The following POLR3H variants were observed in gnomAD, a reference collection of about 807,000 sequenced individuals.
POLR3H encodes DNA-directed RNA polymerase III subunit RPC8.
POLR3H carries 17 observed loss-of-function variants against 25.5 expected under a neutral mutation model. That is an observed-to-expected ratio of 0.67 (90% CI 0.46 to 1.00). The LOEUF is 1.00. POLR3H is among the 50% of genes least tolerant of loss of function. The pLI, the probability that POLR3H is intolerant of heterozygous loss-of-function variation, is 0.00. For synonymous variants in POLR3H, 129 were observed against 103.0 expected, an observed-to-expected ratio of 1.25 and a Z score of -1.53; for missense variants, 274 against 265.0, an observed-to-expected ratio of 1.03 and a Z score of -0.24.
Position 41,527,957 on chromosome 22 carries a change from TACA to T in POLR3H, c.*1323_*1325del, listed in dbSNP as rs2066638829. ...TCTGACCTTCGCTGACCCGGCTGAC[TACA>T]ACAAGATTCACCCTGTGGACAAGCT... is the stretch of plus-strand genomic sequence containing the variant. On this transcript the variant is annotated 3_prime_UTR_variant, in exon 6 of 6. Coordinates refer to ENST00000355209, the MANE Select transcript of POLR3H (RefSeq NM_001018050.4). 4.3e-6 allele frequency: 7 copies of T among 1,614,130 alleles called. No homozygotes were observed. The highest frequency in any genetic ancestry group is 3.4e-6 in the Non-Finnish European group (4 of 1,180,008).
intron 2 of POLR3H, among the ~76,000 whole-genome samples, chr22:41,537,187 C>T (rs2066862849): frequency 6.6e-6 from 1 of 152,168 alleles, no homozygotes; most frequent in Non-Finnish European, 1.5e-5. Context: ...CATCTGTGAG[C>T]ACTCCCCACG....
rs2066605636 is a variant in POLR3H, at chr22:41,526,723, G to A, written c.*2560C>T. ...TCTGGCCCTAGACAAAGACAAGGAA[G>A]GGGGCCGACTCAGGAAGTCAGAGGC... On this transcript the variant is annotated 3_prime_UTR_variant, in exon 6 of 6. Coordinates refer to ENST00000355209, the MANE Select transcript of POLR3H (RefSeq NM_001018050.4). The A allele has an allele frequency of 2.4e-6, 1 of 408,716 alleles. No homozygotes were observed. The highest frequency in any genetic ancestry group is 4.4e-6 in the Non-Finnish European group (1 of 225,992). 25.3% of individuals were successfully genotyped at this position (408,716 alleles called of 1,614,324 possible). A position where few individuals can be genotyped will look rare whatever the true frequency, so the allele number is the denominator to read the frequency against.
chr22:41,527,147 C>T lies in POLR3H; in HGVS notation c.*2136G>A, dbSNP rs576913246. 4.9e-5 allele frequency: 63 copies of T among 1,273,718 alleles called. No homozygotes were observed. The highest frequency in any genetic ancestry group is 3.0e-4 in the African/African-American group (20 of 67,572). 78.9% of individuals were successfully genotyped at this position (1,273,718 alleles called of 1,614,324 possible). A position where few individuals can be genotyped will look rare whatever the true frequency, so the allele number is the denominator to read the frequency against. On this transcript the variant is annotated 3_prime_UTR_variant, in exon 6 of 6. Transcript: ENST00000355209. The stretch of plus-strand genomic sequence containing the variant: ...GCTTCACTTGCCCTTAGGCAGCAGG[C>T]GAGGAAGGGCCCCTCCAGCCCCTTT...
Position 41,544,350 on chromosome 22 carries a change from CCGCCACGCCACGCCACTCCA to C in POLR3H, c.-269_-250del, listed in dbSNP as rs1262133331. On this transcript the variant is annotated 5_prime_UTR_variant, in exon 1 of 6. Coordinates refer to ENST00000355209, the MANE Select transcript of POLR3H (RefSeq NM_001018050.4). ...GGGTGCGCGCCCGCGCCGCGAGACC[CCGCCACGCCACGCCACTCCA>C]CGCCACGCCACTCCACGCCCCGCAC... 19 of 379,348 alleles carry C rather than the reference CCGCCACGCCACGCCACTCCA, an allele frequency of 5.0e-5. No homozygotes were observed. In the East Asian group the frequency reaches 7.9e-4, roughly 16 times the overall value. The allele number at this position is 379,348 out of a possible 1,614,324, so 23.5% of individuals were successfully genotyped here.
chr22:41,534,247 G>A (rs1225213233), intron 2 of POLR3H, among the ~76,000 whole-genome samples: 2 of 152,198 alleles, frequency 1.3e-5, no homozygotes, highest in African/African-American at 4.8e-5. Flanking sequence ...GGGAGCCCCA[G>A]GCTGGAACAA....
chr22:41,526,331 G>C lies in POLR3H; in HGVS notation c.*2952C>G. The stretch of plus-strand genomic sequence containing the variant: ...CTGGCTCAAGTTCCGTGGGCACTTG[G>C]ATAACATCTCCAACAACCTGCTCAT... On this transcript the variant is annotated 3_prime_UTR_variant, in exon 6 of 6. Transcript: ENST00000355209. 1 of 1,613,120 alleles carries C rather than the reference G, an allele frequency of 6.2e-7. No individual in the cohort carries two copies. Among genetic ancestry groups the C allele is most frequent in the Non-Finnish European group, 8.5e-7 (1 of 1,180,026 alleles).
At chr22:41,536,034 C>A (rs984249294) in intron 2 of POLR3H, among the ~76,000 whole-genome samples, 1 of 150,622 alleles carries the variant, frequency 6.6e-6, no homozygotes, top group Non-Finnish European at 1.5e-5. Flanking sequence ...TCGTGATCCG[C>A]CCGCCTCAGA....
intron 2 of POLR3H, among the ~76,000 whole-genome samples, chr22:41,536,866 CAAAAAAAAAA>C (rs576432041): frequency 4.1e-4 from 23 of 55,644 alleles, no homozygotes; most frequent in African/African-American, 1.7e-3. Flanking sequence ...GACTCTGTCT[CAAAAAAAAAA>C]AAAAAAAAAG....
intron 2 of POLR3H, among the ~76,000 whole-genome samples, chr22:41,537,849 C>A (rs2066873181): frequency 6.6e-6 from 1 of 152,090 alleles, no homozygotes; most frequent in African/African-American, 2.4e-5. Context: ...TCTCTGTCAC[C>A]CAGCTGGAGT....
At position 41,540,694 on chromosome 22, in the gene POLR3H, C is replaced by T; in HGVS notation, c.208+5G>A. On this transcript the variant is annotated splice_donor_5th_base_variant and intron_variant, in intron 2 of 5. Transcript: ENST00000355209. Reference sequence around the variant, plus strand: ...CCCAATGCCCCAGGGACAGAAGATACCCACCTTTGGTGTGTGATGCGCCAT... The same window carrying T: ...CCCAATGCCCCAGGGACAGAAGATATCCACCTTTGGTGTGTGATGCGCCAT... 6.2e-7 allele frequency: 1 copy of T among 1,609,484 alleles called. No homozygotes were observed. The highest frequency in any genetic ancestry group is 8.5e-7 in the Non-Finnish European group (1 of 1,175,772).
At position 41,528,568 on chromosome 22, in the gene POLR3H, C is replaced by G; in HGVS notation, c.*715G>C. On this transcript the variant is annotated 3_prime_UTR_variant, in exon 6 of 6. Coordinates refer to ENST00000355209, the MANE Select transcript of POLR3H (RefSeq NM_001018050.4). ...TCAACGAGACGCAGATTGAGTGGTTCCGCGCTGGCAGTGCCCTCAACAGAA... is the reference window on the plus strand; with the variant it reads ...TCAACGAGACGCAGATTGAGTGGTTGCGCGCTGGCAGTGCCCTCAACAGAA... 1 of 1,613,064 alleles carries G rather than the reference C, an allele frequency of 6.2e-7. No homozygotes were observed.
At chr22:41,533,753 C>T (rs1315550102) in intron 2 of POLR3H, 1 of 1,292,754 alleles carries the variant, frequency 7.7e-7, no homozygotes, top group East Asian at 5.6e-5. Context: ...TGCTGACCTC[C>T]CAGAGAGCAG....
intron 2 of POLR3H, among the ~76,000 whole-genome samples, chr22:41,537,405 G>A (rs1234462241): frequency 1.3e-5 from 2 of 152,216 alleles, no homozygotes; most frequent in Non-Finnish European, 2.9e-5. Flanking sequence ...ACCTGGTGCT[G>A]AGCCCTTCAG....
Position 41,544,356 on chromosome 22 carries a change from C to A in POLR3H, c.-255G>T. The A allele has an allele frequency of 2.8e-6, 1 of 362,796 alleles. No individual in the cohort carries two copies. The allele number at this position is 362,796 out of a possible 1,614,324, so 22.5% of individuals were successfully genotyped here. A position where few individuals can be genotyped will look rare whatever the true frequency, so the allele number is the denominator to read the frequency against. On this transcript the variant is annotated 5_prime_UTR_variant, in exon 1 of 6. Transcript: ENST00000355209. ...GCGCCCGCGCCGCGAGACCCCGCCA[C>A]GCCACGCCACTCCACGCCACGCCAC...
In POLR3H at chr22:41,526,251, T is replaced by C; in HGVS notation, c.*3032A>G. ...TGCCCTGACCTCTGTCCTCTCTACT[T>C]ACCACCCAAGGTCAAAGGGAAGTGT... On this transcript the variant is annotated 3_prime_UTR_variant, in exon 6 of 6. Coordinates refer to ENST00000355209, the MANE Select transcript of POLR3H (RefSeq NM_001018050.4). The C allele has an allele frequency of 6.2e-7, 1 of 1,610,120 alleles. No homozygotes were observed. The highest frequency in any genetic ancestry group is 8.5e-7 in the Non-Finnish European group (1 of 1,178,478).
rs2076198 is a variant in POLR3H, at chr22:41,533,171, T to G, written c.209-426A>C. 0.37 allele frequency among the ~76,000 whole-genome samples: 56,718 copies of G among 152,098 alleles called. 12,474 individuals carry two copies. The highest frequency in any genetic ancestry group is 0.51 in the Non-Finnish European group (34,710 of 67,958). ...AGAGGAGGCTAAAAATGCCCTGGTG[T>G]TGTGAGGCGCAGGCCAGCAGCCCAG... On this transcript the variant is annotated intron_variant, in intron 2 of 5. Coordinates refer to ENST00000355209, the MANE Select transcript of POLR3H (RefSeq NM_001018050.4).
intron 2 of POLR3H, among the ~76,000 whole-genome samples, chr22:41,534,290 G>GT (rs1447499042): frequency 6.6e-6 from 1 of 152,210 alleles, no homozygotes; most frequent in Non-Finnish European, 1.5e-5. Flanking sequence ...GGCACCCGGA[G>GT]TCCCCCATGG....
intron 1 of POLR3H, among the ~76,000 whole-genome samples, chr22:41,543,029 A>G (rs1275000568): frequency 6.6e-6 from 1 of 152,112 alleles, no homozygotes; most frequent in Non-Finnish European, 1.5e-5. Context: ...AAAACAGAAA[A>G]TTATGGGACA....
In POLR3H at chr22:41,527,719, A is replaced by G; in HGVS notation, c.*1564T>C. On this transcript the variant is annotated 3_prime_UTR_variant, in exon 6 of 6. Transcript: ENST00000355209. ...GGAAGGCCTCGCAGACCTCAGCACC[A>G]GCGCACACTTGCTAGGGGCACCCCT... 1.0e-6 allele frequency: 1 copy of G among 977,934 alleles called. No homozygotes were observed. Among genetic ancestry groups the G allele is most frequent in the Non-Finnish European group, 1.5e-6 (1 of 671,820 alleles). The allele number at this position is 977,934 out of a possible 1,614,324, so 60.6% of individuals were successfully genotyped here.
Sources: gnomAD v4.1 joint callset for allele counts (sites outside exome capture counted in the v4.1 genomes callset) on GRCh38, gnomAD v4.1.1 for gene constraint, MANE v1.5 for transcripts, NCBI Gene and HGNC (gene_info 2026-07-23, HGNC 2026-07-21) for gene names.